The following HNF4G variants were observed in gnomAD, a reference collection of about 807,000 sequenced individuals.
HNF4G encodes the protein hepatocyte nuclear factor 4-gamma.
In HNF4G, 21 loss-of-function variants were observed where a neutral mutation model predicts 50.9. The observed-to-expected ratio is 0.41, with a 90% CI of 0.29 to 0.59. HNF4G has a LOEUF of 0.59. Ranked by LOEUF, HNF4G falls within the 20% of genes least tolerant of loss-of-function variation. The pLI is 0.26. For synonymous variants in HNF4G, 198 were observed against 185.6 expected (o/e 1.07, Z -0.54); for missense variants, 527 against 559.4 (o/e 0.94, Z 0.58).
intron 1 of HNF4G, among the ~76,000 whole-genome samples, chr8:75,487,499 CCAAT>C (rs1467398901): frequency 2.0e-5 from 3 of 152,162 alleles, no homozygotes; most frequent in African/African-American, 7.2e-5. Flanking sequence ...CTCTTACTAT[CCAAT>C]CACACTTCTC....
chr8:75,559,773 T>C (rs1162111583), intron 8 of HNF4G, among the ~76,000 whole-genome samples: 1 of 152,114 alleles, frequency 6.6e-6, no homozygotes, highest in African/African-American at 2.4e-5. Flanking sequence ...TACATATATA[T>C]ATATACTATC....
intron 9 of HNF4G, among the ~76,000 whole-genome samples, chr8:75,563,355 C>A (rs1807368815): frequency 6.6e-6 from 1 of 151,504 alleles, no homozygotes; most frequent in African/African-American, 2.4e-5. Flanking sequence ...ACTTTATATT[C>A]AATTACTCAG....
At chr8:75,489,455 G>A (rs963154114) in intron 1 of HNF4G, among the ~76,000 whole-genome samples, 43 of 152,284 alleles carry the variant, frequency 2.8e-4, no homozygotes, top group African/African-American at 1.0e-3. Flanking sequence ...AAGTCACATA[G>A]CAATGGTGTT....
chr8:75,505,328 T>G lies in HNF4G; in HGVS notation c.-24+15120T>G, dbSNP rs576811613. Among the ~76,000 whole-genome samples, 4 of 152,244 alleles carry G rather than the reference T, an allele frequency of 2.6e-5. No homozygotes were observed. The South Asian group carries it at 8.3e-4, about 32-fold the overall frequency. On this transcript the variant is annotated intron_variant, in intron 2 of 10. Coordinates refer to the HNF4G transcript ENST00000354370. ...CCTTAAGCTCCTTGCTAGCTGTGCT[T>G]CTTTCCTGATTCATTTGTACTATCC...
In HNF4G at chr8:75,551,386, A is replaced by G; in HGVS notation, c.383-2A>G. 2 of 1,579,430 alleles carry G rather than the reference A, an allele frequency of 1.3e-6. No individual in the cohort carries two copies. Among genetic ancestry groups the G allele is most frequent in the Non-Finnish European group, 1.7e-6 (2 of 1,148,742 alleles). On this transcript the variant is annotated splice_acceptor_variant, in intron 3 of 9. Coordinates refer to ENST00000396423, the MANE Select transcript of HNF4G (RefSeq NM_004133.5). LOFTEE classifies it high-confidence loss of function. ...AATAAATACTGTGTTTTTTCCCCCT[A>G]GCTGTACAAAATGAACGTGACAGAA...
rs1563554979 is a variant in HNF4G, at chr8:75,558,556, G to A, written c.772G>A (p.Glu258Lys). 8 of 1,613,614 alleles carry A rather than the reference G, an allele frequency of 5.0e-6. No homozygotes were observed. The highest frequency in any genetic ancestry group is 6.8e-6 in the Non-Finnish European group (8 of 1,179,828). ...TATTCACCGCAACAGCTGTGAAGTT[G>A]AGATTAGCCGTGTGGCCAATCGTGT... ...YVIHRNSCEV[E>K]ISRVANRVLD... Residue 258 changes from glutamate to lysine, a missense_variant, in exon 7 of 10, where the codon GAG (glutamate) becomes AAG (lysine). Physicochemically the swap from Glu to Lys is moderately conservative, Grantham distance 56 (BLOSUM62 1). This residue lies in a region of HNF4G where 308 missense variants were observed against 301.5 expected (regional missense o/e 1.02). Transcript: ENST00000396423.
intron 2 of HNF4G, among the ~76,000 whole-genome samples, chr8:75,491,292 T>A (rs1477297820): frequency 6.6e-6 from 1 of 152,144 alleles, no homozygotes; most frequent in Non-Finnish European, 1.5e-5. Flanking sequence ...ATTTTTTTAC[T>A]TGAAGATTTA....
chr8:75,519,913 C>T (rs551863961), intron 2 of HNF4G, among the ~76,000 whole-genome samples: 12 of 152,080 alleles, frequency 7.9e-5, no homozygotes, highest in Middle Eastern at 3.4e-3. Flanking sequence ...AAACCATTGA[C>T]ATTTAAACTG....
chr8:75,471,768 T>C (rs1417500362), intron 1 of HNF4G, among the ~76,000 whole-genome samples: 2 of 152,192 alleles, frequency 1.3e-5, no homozygotes, highest in African/African-American at 4.8e-5. Flanking sequence ...GGTTTTCTAA[T>C]TGGCAAAATA....
chr8:75,448,589 A>T (rs951386658), intron 1 of HNF4G, among the ~76,000 whole-genome samples: 1 of 151,514 alleles, frequency 6.6e-6, no homozygotes, highest in African/African-American at 2.4e-5. Flanking sequence ...TGTGCTTATA[A>T]TATGTTATTG....
intron 2 of HNF4G, among the ~76,000 whole-genome samples, chr8:75,528,269 T>G (rs72660050): frequency 1.3e-5 from 2 of 152,184 alleles, no homozygotes; most frequent in Admixed American, 6.5e-5. Flanking sequence ...AAGCTTTAAG[T>G]TTTTTTTGTT....
chr8:75,452,083 A>G (rs931798300), intron 1 of HNF4G, among the ~76,000 whole-genome samples: 5 of 152,188 alleles, frequency 3.3e-5, no homozygotes, highest in Admixed American at 6.5e-5. Flanking sequence ...AAAGTGCCCA[A>G]TTACAAATCT....
chr8:75,523,749 A>G (rs1806108192), intron 2 of HNF4G, among the ~76,000 whole-genome samples: 1 of 151,870 alleles, frequency 6.6e-6, no homozygotes, highest in Non-Finnish European at 1.5e-5. Flanking sequence ...TATAATACTA[A>G]ATAGAGTATT....
At chr8:75,433,243 G>A (rs1414542555) in intron 1 of HNF4G, among the ~76,000 whole-genome samples, 1 of 151,672 alleles carries the variant, frequency 6.6e-6, no homozygotes, top group African/African-American at 2.4e-5. Flanking sequence ...CTTTGCAGAA[G>A]AGAAAAAGAA....
chr8:75,421,462 A>G (rs1233478392), intron 1 of HNF4G, among the ~76,000 whole-genome samples: 1 of 152,234 alleles, frequency 6.6e-6, no homozygotes, highest in African/African-American at 2.4e-5. Flanking sequence ...ACTTTTAAAT[A>G]GATGTATGGG....
rs74596876 is a variant in HNF4G, at chr8:75,433,446, A to T, written c.-144+25284A>T. 9.4e-3 allele frequency among the ~76,000 whole-genome samples: 1,427 copies of T among 151,690 alleles called. 27 individuals are homozygous for T. Among genetic ancestry groups the T allele is most frequent in the African/African-American group, 0.032 (1,311 of 41,428 alleles). ...AAAAAAAAAAGAAAGAAACTTTAAG[A>T]TCAATTTTAATTGCTGTTTTAGGCC... On this transcript the variant is annotated intron_variant, in intron 1 of 10. Coordinates refer to the HNF4G transcript ENST00000354370.
At chr8:75,477,977 AAAAG>A (rs1186155959) in intron 1 of HNF4G, among the ~76,000 whole-genome samples, 2 of 151,856 alleles carry the variant, frequency 1.3e-5, no homozygotes, top group African/African-American at 4.8e-5. Flanking sequence ...AAAAAAAGAA[AAAAG>A]AAAAAAAATT....
intron 2 of HNF4G, among the ~76,000 whole-genome samples, chr8:75,513,267 A>C (rs1181424895): frequency 6.6e-6 from 1 of 152,000 alleles, no homozygotes; most frequent in Non-Finnish European, 1.5e-5. Context: ...TGAACTCCTG[A>C]CCTCAGGTGA....
In HNF4G at chr8:75,447,626, A is replaced by G. The variant is rs1299632281; in HGVS notation, c.-144+39464A>G. On this transcript the variant is annotated intron_variant, in intron 1 of 10. Coordinates refer to the HNF4G transcript ENST00000354370. ...CCCCATCAAAAAGTGGGTGAAGGAC[A>G]TGAACAGACACTTCTCAAAAGAATA... Among the ~76,000 whole-genome samples, 37 of 152,180 alleles carry G rather than the reference A, an allele frequency of 2.4e-4. 2 individuals are homozygous for G. Among genetic ancestry groups the G allele is most frequent in the African/African-American group, 2.4e-5 (1 of 41,440 alleles).
Sources: gnomAD v4.1 joint callset for allele counts (sites outside exome capture counted in the v4.1 genomes callset) on GRCh38, gnomAD v4.1.1 for gene constraint, gnomAD v4.1.1 regional missense constraint, MANE v1.5 for transcripts, NCBI Gene and HGNC (gene_info 2026-07-23, HGNC 2026-07-21) for gene names.